Variants in PTBP2 observed in about 807,000 individuals in gnomAD.
PTBP2 encodes polypyrimidine tract-binding protein 2.
Under a neutral mutation model 61.4 loss-of-function variants are expected in PTBP2, and 13 were observed. The ratio of observed to expected loss-of-function variants is 0.21; its 90% CI spans 0.14 to 0.34. The LOEUF is 0.34. PTBP2 is among the 10% of genes least tolerant of loss of function. The pLI is 1.00. For missense variants in PTBP2, 405 were observed against 642.6 expected (o/e 0.63, Z 4.00); for synonymous variants, 215 against 218.5 (o/e 0.98, Z 0.14).
At chr1:96,804,567 A>G (rs889589322) in intron 8 of PTBP2, among the ~76,000 whole-genome samples, 6 of 152,180 alleles carry the variant, frequency 3.9e-5, no homozygotes, top group African/African-American at 1.4e-4. Flanking sequence ...TTAACATAAT[A>G]CAGGTATGTA....
chr1:96,784,288 C>T (rs1658989248), intron 7 of PTBP2, among the ~76,000 whole-genome samples: 1 of 150,996 alleles, frequency 6.6e-6, no homozygotes, highest in Non-Finnish European at 1.5e-5. Flanking sequence ...CTTTAATTTA[C>T]TCCTCTTAAT....
intron 5 of PTBP2, 102 bp downstream of exon 5, chr1:96,770,953 A>G (rs1657309095): frequency 1.0e-6 from 1 of 975,962 alleles, no homozygotes; most frequent in Middle Eastern, 3.4e-4. Flanking sequence ...TGTTCCTTAT[A>G]GGCATTTTCT....
intron 3 of PTBP2, among the ~76,000 whole-genome samples, chr1:96,760,635 C>T (rs1166262460): frequency 6.6e-6 from 1 of 151,856 alleles, no homozygotes; most frequent in Non-Finnish European, 1.5e-5. Flanking sequence ...TTAGTAGAGA[C>T]TGGGTTTCGC....
intron 2 of PTBP2, 90 bp downstream of exon 2, chr1:96,723,684 C>A: frequency 8.4e-7 from 1 of 1,183,888 alleles, no homozygotes; most frequent in South Asian, 1.6e-5. Context: ...AAAACTATAA[C>A]GTAGCTAACA....
intron 11 of PTBP2, among the ~76,000 whole-genome samples, chr1:96,809,870 G>A (rs1272524965): frequency 6.6e-6 from 1 of 152,014 alleles, no homozygotes; most frequent in African/African-American, 2.4e-5. Context: ...GTTACCCCCA[G>A]GGAAGGAGAT....
intron 8 of PTBP2, among the ~76,000 whole-genome samples, chr1:96,786,911 G>T (rs1335081315): frequency 1.3e-5 from 2 of 152,142 alleles, no homozygotes; most frequent in African/African-American, 4.8e-5. Flanking sequence ...GATGTGCTTG[G>T]ATCCTGGGTG....
intron 8 of PTBP2, among the ~76,000 whole-genome samples, chr1:96,792,474 A>G (rs1659949981): frequency 6.6e-6 from 1 of 152,190 alleles, no homozygotes; most frequent in Non-Finnish European, 1.5e-5. Context: ...TGACTAATAA[A>G]TAGTGGAATA....
At chr1:96,802,803 G>A (rs1661153433) in intron 8 of PTBP2, among the ~76,000 whole-genome samples, 1 of 152,140 alleles carries the variant, frequency 6.6e-6, no homozygotes, top group East Asian at 1.9e-4. Context: ...CTAAAGGCAG[G>A]AAAATAGAAT....
chr1:96,805,002 G>A, intron 9 of PTBP2, 63 bp downstream of exon 9: 2 of 1,373,542 alleles, frequency 1.5e-6, no homozygotes, highest in Non-Finnish European at 1.9e-6. Context: ...AGTTTTTCAT[G>A]TTTATTTCAT....
At chr1:96,723,010 G>A (rs1649841425) in intron 1 of PTBP2, among the ~76,000 whole-genome samples, 1 of 152,102 alleles carries the variant, frequency 6.6e-6, no homozygotes, top group African/African-American at 2.4e-5. Context: ...CAACAATTTG[G>A]TTAAGCGCCT....
chr1:96,798,302 A>G (rs1388212939), intron 8 of PTBP2, among the ~76,000 whole-genome samples: 1 of 151,880 alleles, frequency 6.6e-6, no homozygotes, highest in East Asian at 1.9e-4. Context: ...GCTACTCAGG[A>G]GGCTGAGTCA....
chr1:96,815,361 A>G (rs1164779436), downstream of PTBP2: 1 of 152,182 alleles, frequency 6.6e-6, no homozygotes, highest in African/African-American at 2.4e-5. Flanking sequence ...CTGGGAAGAA[A>G]GAGCAGCATA....
In PTBP2 at chr1:96,770,698, A is replaced by C. The variant is rs1407597712; in HGVS notation, c.289-10A>C. 6.2e-7 allele frequency: 1 copy of C among 1,606,746 alleles called. No individual in the cohort carries two copies. The highest frequency in any genetic ancestry group is 8.5e-7 in the Non-Finnish European group (1 of 1,174,428). ...TATAGTATTAAAAATTGTGCTACTT[A>C]AATTTTCAGGCATTTTTGGAACTAG... On this transcript the variant is annotated splice_polypyrimidine_tract_variant and intron_variant, in intron 4 of 13. Transcript: ENST00000674951.
At chr1:96,736,469 G>A (rs1652196531) in intron 2 of PTBP2, among the ~76,000 whole-genome samples, 1 of 152,078 alleles carries the variant, frequency 6.6e-6, no homozygotes, top group Non-Finnish European at 1.5e-5. Flanking sequence ...TGTGTTGTCA[G>A]TTACAGTAGC....
At chr1:96,761,306 T>G (rs926693666) in intron 3 of PTBP2, among the ~76,000 whole-genome samples, 18 of 151,570 alleles carry the variant, frequency 1.2e-4, no homozygotes, top group South Asian at 4.2e-4. Context: ...TGGGAATGAC[T>G]AGGTGAGTCC....
At chr1:96,817,622 A>G (rs1466319683), downstream of PTBP2, 1 of 152,134 alleles carries the variant, frequency 6.6e-6, no homozygotes, top group Non-Finnish European at 1.5e-5. Flanking sequence ...AACATATTCC[A>G]TATTTTAAAC....
chr1:96,795,716 A>G (rs765360752), intron 8 of PTBP2, among the ~76,000 whole-genome samples: 5 of 152,192 alleles, frequency 3.3e-5, no homozygotes, highest in Admixed American at 6.5e-5. Flanking sequence ...CGTGATAAGA[A>G]AGTATGCACT....
At chr1:96,809,691 A>ATTG (rs1661855494) in intron 11 of PTBP2, among the ~76,000 whole-genome samples, 1 of 152,064 alleles carries the variant, frequency 6.6e-6, no homozygotes. Context: ...TATTATTATT[A>ATTG]TTATTTTTTG....
At chr1:96,728,022 C>A (rs982959442) in intron 2 of PTBP2, among the ~76,000 whole-genome samples, 5 of 152,020 alleles carry the variant, frequency 3.3e-5, no homozygotes, top group African/African-American at 1.2e-4. Context: ...CAGGACCTGA[C>A]TCTGTCACCC....
Sources: gnomAD v4.1 joint callset for allele counts (sites outside exome capture counted in the v4.1 genomes callset) on GRCh38, gnomAD v4.1.1 for gene constraint, MANE v1.5 for transcripts, NCBI Gene and HGNC (gene_info 2026-07-23, HGNC 2026-07-21) for gene names.